SLC35F3: variants seen among roughly 807,000 people sequenced by gnomAD.
SLC35F3 encodes the protein solute carrier family 35 member F3, also known as putative thiamine transporter SLC35F3.
SLC35F3 carries 25 observed loss-of-function variants against 49.9 expected under a neutral mutation model. The observed-to-expected ratio is 0.50, with a 90% CI of 0.37 to 0.70. The LOEUF (loss-of-function observed/expected upper bound fraction) is 0.70, where lower values mean the gene tolerates loss of function less well. SLC35F3 is among the 30% of genes least tolerant of loss of function. The pLI is 0.00. For synonymous variants in SLC35F3, 275 were observed against 265.4 expected, an observed-to-expected ratio of 1.04 and a Z score of -0.35; for missense variants, 525 against 639.8, an observed-to-expected ratio of 0.82 and a Z score of 1.94.
chr1:234,232,798 G>T (rs2102951973), intron 3 of SLC35F3, among the ~76,000 whole-genome samples: 1 of 152,284 alleles, frequency 6.6e-6, no homozygotes, highest in South Asian at 2.1e-4. Context: ...AAGAGGTTTG[G>T]AAATGGAGGT....
intron 2 of SLC35F3, among the ~76,000 whole-genome samples, chr1:234,030,176 A>G (rs1572025461): frequency 6.6e-6 from 1 of 152,238 alleles, no homozygotes; most frequent in South Asian, 2.1e-4. Flanking sequence ...CTTAATTAGT[A>G]TAACCAAACC....
chr1:234,260,736 C>T (rs560286574), intron 3 of SLC35F3, among the ~76,000 whole-genome samples: 1 of 152,276 alleles, frequency 6.6e-6, no homozygotes, highest in East Asian at 1.9e-4. Flanking sequence ...GTATGAGGCT[C>T]AGGTGAGTCA....
chr1:234,257,411 T>C (rs1467418898), intron 3 of SLC35F3, among the ~76,000 whole-genome samples: 1 of 152,234 alleles, frequency 6.6e-6, no homozygotes, highest in East Asian at 1.9e-4. Context: ...TGAGTTGTTC[T>C]CTTAACATCA....
chr1:233,979,900 T>C (rs1663152416), intron 2 of SLC35F3, among the ~76,000 whole-genome samples: 1 of 152,198 alleles, frequency 6.6e-6, no homozygotes, highest in Admixed American at 6.5e-5. Flanking sequence ...ATAAGTCTTG[T>C]CACCATCAAC....
At chr1:234,060,083 A>T (rs1664518483) in intron 2 of SLC35F3, among the ~76,000 whole-genome samples, 1 of 152,242 alleles carries the variant, frequency 6.6e-6, no homozygotes, top group African/African-American at 2.4e-5. Flanking sequence ...TGAAATTAAG[A>T]ATCAATAACA....
intron 3 of SLC35F3, among the ~76,000 whole-genome samples, chr1:234,238,962 A>C (rs1667514777): frequency 6.6e-6 from 1 of 152,172 alleles, no homozygotes; most frequent in Non-Finnish European, 1.5e-5. Flanking sequence ...ATTTCACTGA[A>C]ATTCTTTGAA....
rs189339075 is a variant in SLC35F3 at position 234,231,360 on chromosome 1, C to A, written c.284-57C>A. The A allele has an allele frequency of 1.5e-4, 212 of 1,370,198 alleles. No individual in the cohort carries two copies. Among genetic ancestry groups the A allele is most frequent in the Non-Finnish European group, 1.9e-4 (195 of 1,033,486 alleles). 84.9% of individuals were successfully genotyped at this position (1,370,198 alleles called of 1,614,324 possible). A position where few individuals can be genotyped will look rare whatever the true frequency, so the allele number is the denominator to read the frequency against. On this transcript the variant is annotated intron_variant, in intron 2 of 7. Transcript: ENST00000366618. The surrounding 1 kb of genome is among the most constrained non-coding windows in gnomAD (Gnocchi z 5.4). ...ACAATGGCTGCAGGGCAGCGCCCTG[C>A]GAAGTGCAGGGGTGAAGGTCTGCAG...
intron 2 of SLC35F3, among the ~76,000 whole-genome samples, chr1:234,144,258 C>T (rs1050479058): frequency 1.1e-4 from 17 of 152,162 alleles, no homozygotes; most frequent in African/African-American, 4.1e-4. Flanking sequence ...TGTTGAGTGT[C>T]GGTGCTCTTG....
intron 2 of SLC35F3, among the ~76,000 whole-genome samples, chr1:233,935,947 A>G (rs1283032873): frequency 6.6e-6 from 1 of 152,146 alleles, no homozygotes; most frequent in African/African-American, 2.4e-5. Flanking sequence ...TGGCACTTGA[A>G]TTCAGTTTGT....
intron 4 of SLC35F3, among the ~76,000 whole-genome samples, chr1:234,312,497 G>A (rs1000999714): frequency 2.0e-5 from 3 of 152,150 alleles, no homozygotes; most frequent in African/African-American, 7.2e-5. Flanking sequence ...CTGGTATCTG[G>A]TCCTGACTCC....
Position 234,285,367 on chromosome 1 carries a change from G to A in SLC35F3, c.609-23734G>A, listed in dbSNP as rs565802244. 20 of 477,590 alleles carry A rather than the reference G, an allele frequency of 4.2e-5. 1 individual carries two copies. Among genetic ancestry groups the A allele is most frequent in the South Asian group, 3.0e-4 (20 of 66,742 alleles). The allele number at this position is 477,590 out of a possible 1,614,324, so 29.6% of individuals were successfully genotyped here. ...GTTCAGATGAGGCCAGGTGTTGCTT[G>A]TTCAGTATCTCAAGCCAAGAGAGAT... On this transcript the variant is annotated intron_variant, in intron 3 of 7. Transcript: ENST00000366618.
chr1:233,998,251 C>G (rs1663494236), intron 2 of SLC35F3, among the ~76,000 whole-genome samples: 5 of 152,018 alleles, frequency 3.3e-5, no homozygotes, highest in Admixed American at 3.3e-4. Flanking sequence ...CAATCATTCT[C>G]CTACCTAGCT....
intron 2 of SLC35F3, among the ~76,000 whole-genome samples, chr1:234,152,255 T>TA (rs1348619080): frequency 6.6e-6 from 1 of 150,992 alleles, no homozygotes; most frequent in South Asian, 2.1e-4. Flanking sequence ...ATTATTATAC[T>TA]TTAAATTCTG....
chr1:234,072,615 T>G (rs1419330556), intron 2 of SLC35F3, among the ~76,000 whole-genome samples: 2 of 151,992 alleles, frequency 1.3e-5, no homozygotes, highest in African/African-American at 4.8e-5. Flanking sequence ...TGAAGATAAT[T>G]GAACAGAGAA....
intron 2 of SLC35F3, among the ~76,000 whole-genome samples, chr1:234,136,821 A>G (rs1315790617): frequency 1.3e-5 from 2 of 152,230 alleles, no homozygotes. Context: ...CTTAGGCTCG[A>G]ACAGAGCCCA....
chr1:234,041,205 C>A (rs1004449674), intron 2 of SLC35F3, among the ~76,000 whole-genome samples: 5 of 152,158 alleles, frequency 3.3e-5, no homozygotes, highest in African/African-American at 1.2e-4. Context: ...CCCTCAAATT[C>A]TCAATGGCTT....
chr1:234,084,401 G>A (rs1664930150), intron 2 of SLC35F3, among the ~76,000 whole-genome samples: 1 of 152,054 alleles, frequency 6.6e-6, no homozygotes, highest in Non-Finnish European at 1.5e-5. Context: ...ATCCTCAACT[G>A]AATCAACCCA....
At chr1:234,020,952 G>A (rs1227138794) in intron 2 of SLC35F3, among the ~76,000 whole-genome samples, 1 of 152,236 alleles carries the variant, frequency 6.6e-6, no homozygotes, top group Non-Finnish European at 1.5e-5. Flanking sequence ...CAAAATTGAT[G>A]TGGGGAATGC....
At chr1:234,060,473 G>A (rs941398136) in intron 2 of SLC35F3, among the ~76,000 whole-genome samples, 2 of 152,048 alleles carry the variant, frequency 1.3e-5, no homozygotes, top group Non-Finnish European at 2.9e-5. Context: ...TTGAGACAGG[G>A]TCTCACTCTG....
Sources: allele counts gnomAD v4.1 joint callset (sites outside exome capture counted in the v4.1 genomes callset), GRCh38; gene constraint gnomAD v4.1.1; non-coding constraint Gnocchi (gnomAD v3.1); transcripts MANE v1.5; gene names NCBI Gene and HGNC (gene_info 2026-07-23, HGNC 2026-07-21).